The following STAU2 variants were observed in gnomAD, a reference collection of about 807,000 sequenced individuals.
STAU2 encodes staufen double-stranded RNA binding protein 2.
STAU2 carries 20 observed loss-of-function variants against 65.9 expected under a neutral mutation model. The ratio of observed to expected loss-of-function variants is 0.30; its 90% CI spans 0.21 to 0.44. The LOEUF is 0.44. Among genes scored for constraint, STAU2 ranks in the 20% least tolerant of loss-of-function variants. The pLI is 1.00. For missense variants in STAU2, 558 were observed against 683.9 expected (o/e 0.82, Z 2.05); for synonymous variants, 232 against 233.9 (o/e 0.99, Z 0.07).
chr8:73,730,661 A>C (rs1322516221), intron 3 of STAU2, among the ~76,000 whole-genome samples: 1 of 139,768 alleles, frequency 7.2e-6, no homozygotes, highest in Non-Finnish European at 1.5e-5. Flanking sequence ...CCGGAGGCAG[A>C]GGTTGCGGTG....
At chr8:73,691,473 T>C (rs1057176531) in intron 4 of STAU2, among the ~76,000 whole-genome samples, 10 of 152,008 alleles carry the variant, frequency 6.6e-5, no homozygotes, top group Non-Finnish European at 1.5e-5. Flanking sequence ...ATGTCACCAT[T>C]TTCCCAATCT....
chr8:73,512,666 G>A (rs1317069101), intron 13 of STAU2, among the ~76,000 whole-genome samples: 4 of 151,848 alleles, frequency 2.6e-5, no homozygotes, highest in African/African-American at 9.7e-5. Context: ...TGTGTGGGGG[G>A]TGGGTATTTC....
chr8:73,526,016 T>C (rs1378213639), intron 13 of STAU2, among the ~76,000 whole-genome samples: 6 of 152,200 alleles, frequency 3.9e-5, no homozygotes, highest in Non-Finnish European at 8.8e-5. Context: ...TACTGCACTC[T>C]CTTCTACAGC....
Position 73,552,134 on chromosome 8 carries a change from T to A in STAU2, c.1408A>T (p.Met470Leu), listed in dbSNP as rs1807377181. ...SSATIARELL[M>L]NGTSSTAEAI... The stretch of plus-strand genomic sequence containing the variant: ...TCAGCTGTAGAAGATGTTCCATTCA[T>A]AAGGAGTTCCCTGGCAATTGTAGCT... The change falls in exon 13 of 15, where the codon ATG becomes TTG. Residue 470 changes from methionine (M) to leucine (L), a missense_variant. By Grantham distance (15) the Met-to-Leu change is conservative. This residue lies in a region of STAU2 where 247 missense variants were observed against 270.1 expected (regional missense o/e 0.91). Coordinates refer to ENST00000524300, the MANE Select transcript of STAU2 (RefSeq NM_001164380.2). 3 of 1,613,856 alleles carry A rather than the reference T, an allele frequency of 1.9e-6. No individual in the cohort carries two copies. The highest frequency in any genetic ancestry group is 1.7e-5 in the Admixed American group (1 of 60,000).
chr8:73,651,414 T>C (rs919377948), intron 6 of STAU2: 11 of 666,344 alleles, frequency 1.7e-5, no homozygotes, highest in Non-Finnish European at 2.8e-5. Flanking sequence ...GAGGTCCAGA[T>C]AAAAACCTGG....
intron 13 of STAU2, among the ~76,000 whole-genome samples, chr8:73,473,352 CA>C (rs1820137259): frequency 6.6e-6 from 1 of 151,982 alleles, no homozygotes; most frequent in Admixed American, 6.6e-5. Flanking sequence ...ATATTTCTGT[CA>C]AAAAAATGTA....
chr8:73,531,402 C>T (rs1585944428), intron 13 of STAU2, among the ~76,000 whole-genome samples: 2 of 152,064 alleles, frequency 1.3e-5, no homozygotes, highest in Non-Finnish European at 2.9e-5. Flanking sequence ...TGTTATATCC[C>T]CACTGCATTG....
intron 13 of STAU2, among the ~76,000 whole-genome samples, chr8:73,495,836 C>T (rs928763429): frequency 1.3e-5 from 2 of 151,028 alleles, no homozygotes; most frequent in African/African-American, 2.4e-5. Context: ...TGTAGAATTC[C>T]ATTTTGGAAC....
intron 1 of STAU2, chr8:73,742,304 G>A (rs550451741): frequency 2.7e-5 from 24 of 896,432 alleles, no homozygotes; most frequent in East Asian, 2.4e-4. Context: ...AGTCTGAGGC[G>A]GACGGATCAC....
At chr8:73,496,692 AC>A (rs143339350) in intron 13 of STAU2, among the ~76,000 whole-genome samples, 4,625 of 151,834 alleles carry the variant, frequency 0.03, 229 homozygotes, top group Admixed American at 0.13. Flanking sequence ...TTTAACCAAC[AC>A]AGTATACCCA....
chr8:73,672,440 T>C (rs2130406537), intron 6 of STAU2: 1 of 152,248 alleles, frequency 6.6e-6, no homozygotes, highest in South Asian at 2.1e-4. Flanking sequence ...GCTATACGTA[T>C]GTAAAAAGTC....
intron 6 of STAU2, among the ~76,000 whole-genome samples, chr8:73,624,660 A>G (rs1466678313): frequency 6.6e-6 from 1 of 152,176 alleles, no homozygotes. Flanking sequence ...TCACTCCAGA[A>G]CCCATGCTCA....
In STAU2 at chr8:73,420,962, G is replaced by A. The variant is rs1816339068; in HGVS notation, c.*410C>T. 2 of 165,712 alleles carry A rather than the reference G, an allele frequency of 1.2e-5. No individual in the cohort carries two copies. Among genetic ancestry groups the A allele is most frequent in the African/African-American group, 4.8e-5 (2 of 41,696 alleles). 10.3% of individuals were successfully genotyped at this position (165,712 alleles called of 1,614,324 possible). On this transcript the variant is annotated 3_prime_UTR_variant, in exon 15 of 15. Transcript: ENST00000524300. ...ATTTTCGAATTGTCAAGCAGTATTT[G>A]AAATGAGAGAGAGAGAGAATATAAC... is the stretch of plus-strand genomic sequence containing the variant.
At chr8:73,448,753 G>A (rs1486295678) in intron 13 of STAU2, among the ~76,000 whole-genome samples, 2 of 152,240 alleles carry the variant, frequency 1.3e-5, no homozygotes, top group Non-Finnish European at 2.9e-5. Flanking sequence ...CAGAGTTGGT[G>A]GACAGAGCAA....
intron 13 of STAU2, among the ~76,000 whole-genome samples, chr8:73,457,840 G>A (rs1819151999): frequency 1.3e-5 from 2 of 152,302 alleles, no homozygotes; most frequent in Non-Finnish European, 1.5e-5. Flanking sequence ...CCCTGGGCTG[G>A]GGCAGAGCCT....
At chr8:73,742,494 C>T (rs936595700) in intron 1 of STAU2, 24 of 151,956 alleles carry the variant, frequency 1.6e-4, no homozygotes, top group African/African-American at 5.6e-4. Flanking sequence ...TGCGCCACTG[C>T]ACTCTAGCCT....
At chr8:73,612,631 T>TGA (rs1452190414) in intron 9 of STAU2, among the ~76,000 whole-genome samples, 1 of 152,238 alleles carries the variant, frequency 6.6e-6, no homozygotes, top group Non-Finnish European at 1.5e-5. Flanking sequence ...GTCATGTCAG[T>TGA]ATTCATTAAA....
chr8:73,692,070 T>C (rs1201566264), intron 4 of STAU2, among the ~76,000 whole-genome samples: 1 of 152,134 alleles, frequency 6.6e-6, no homozygotes, highest in Non-Finnish European at 1.5e-5. Context: ...CCTCCATAAA[T>C]ATCCCTAAAA....
At chr8:73,450,198 A>G (rs970860434) in intron 13 of STAU2, among the ~76,000 whole-genome samples, 2 of 152,258 alleles carry the variant, frequency 1.3e-5, no homozygotes, top group African/African-American at 4.8e-5. Flanking sequence ...AGTATATTAG[A>G]AGTTATTAAA....
Sources: allele counts gnomAD v4.1 joint callset (sites outside exome capture counted in the v4.1 genomes callset), GRCh38; gene constraint gnomAD v4.1.1; regional missense constraint gnomAD v4.1.1; transcripts MANE v1.5; gene names NCBI Gene and HGNC (gene_info 2026-07-23, HGNC 2026-07-21).